The following FAM186A variants were observed in gnomAD, a reference collection of about 807,000 sequenced individuals.
The protein encoded by FAM186A is family with sequence similarity 186 member A, also known as protein FAM186A.
Under a neutral mutation model 216.8 loss-of-function variants are expected in FAM186A, and 163 were observed. The observed-to-expected ratio is 0.75, with a 90% CI of 0.66 to 0.86. The LOEUF is 0.86. FAM186A is among the 40% of genes least tolerant of loss of function. FAM186A has a pLI of 0.00. For missense variants in FAM186A, 2,184 were observed against 2,746.2 expected, an observed-to-expected ratio of 0.80 and a Z score of 4.58; for synonymous variants, 805 against 1,025.3, an observed-to-expected ratio of 0.79 and a Z score of 4.10.
chr12:50,380,436 G>C (rs2136104851), intron 1 of FAM186A, among the ~76,000 whole-genome samples: 1 of 149,868 alleles, frequency 6.7e-6, no homozygotes, highest in Admixed American at 6.7e-5. Flanking sequence ...TGCACTTTGG[G>C]AGACTGAGGC....
At chr12:50,332,200 T>A (rs764441246) in intron 5 of FAM186A, among the ~76,000 whole-genome samples, 1 of 152,248 alleles carries the variant, frequency 6.6e-6, no homozygotes, top group African/African-American at 2.4e-5. Flanking sequence ...GCAACTGTAA[T>A]GATAGCCAGC....
chr12:50,368,697 AT>A (rs1440954405), intron 1 of FAM186A, among the ~76,000 whole-genome samples: 4 of 151,960 alleles, frequency 2.6e-5, no homozygotes, highest in Non-Finnish European at 5.9e-5. Flanking sequence ...ATCTCAAGGG[AT>A]CCTGAATGGC....
intron 3 of FAM186A, among the ~76,000 whole-genome samples, chr12:50,358,808 A>G (rs914093759): frequency 6.6e-6 from 1 of 151,636 alleles, no homozygotes; most frequent in Admixed American, 6.6e-5. Flanking sequence ...CTGTAATCCC[A>G]GCTACTCGGG....
At position 50,354,649 on chromosome 12, in the gene FAM186A, G is replaced by A; in HGVS notation, c.2183C>T (p.Thr728Ile). The A allele has an allele frequency of 6.5e-7, 1 of 1,547,868 alleles. No homozygotes were observed. Among genetic ancestry groups the A allele is most frequent in the Non-Finnish European group, 8.7e-7 (1 of 1,146,236 alleles). The change falls in exon 4 of 8, where the codon ACT becomes ATT. Residue 728 changes from threonine to isoleucine, a missense_variant. Transcript: ENST00000327337. The stretch of plus-strand genomic sequence containing the variant: ...GTATTTTCTCAAGATTTTAGTCACA[G>A]TTTCAGCCACTTTTTGGAAATATTC... Reference protein sequence around the residue: ...MEEYFQKVAETVTKILRKYKD... With the variant: ...MEEYFQKVAEIVTKILRKYKD...
At chr12:50,394,922 G>T (rs1350426109) in intron 1 of FAM186A, among the ~76,000 whole-genome samples, 1 of 151,322 alleles carries the variant, frequency 6.6e-6, no homozygotes, top group African/African-American at 2.4e-5. Context: ...TAGAGACAGG[G>T]TCTTGCTTTG....
chr12:50,359,062 T>A (rs569087489), intron 3 of FAM186A, among the ~76,000 whole-genome samples: 46 of 151,434 alleles, frequency 3.0e-4, no homozygotes, highest in Non-Finnish European at 5.9e-4. Flanking sequence ...AAATGCAAAC[T>A]AAAACCACAA....
intron 1 of FAM186A, among the ~76,000 whole-genome samples, chr12:50,365,297 T>C (rs925006956): frequency 6.6e-6 from 1 of 152,158 alleles, no homozygotes; most frequent in Middle Eastern, 3.2e-3. Flanking sequence ...ATTTTATGTA[T>C]CAATGCAAGC....
intron 1 of FAM186A, among the ~76,000 whole-genome samples, chr12:50,382,217 G>A (rs1943259425): frequency 7.0e-6 from 1 of 142,268 alleles, no homozygotes. Flanking sequence ...CTGCACTCCA[G>A]CCTGGGTGAC....
chr12:50,365,236 A>G (rs1177528055), intron 1 of FAM186A, among the ~76,000 whole-genome samples: 4 of 152,134 alleles, frequency 2.6e-5, no homozygotes, highest in Admixed American at 6.6e-5. Flanking sequence ...TGCCAGTACA[A>G]TAAAACTGAA....
At chr12:50,360,192 T>TGA (rs1943018177) in intron 3 of FAM186A, among the ~76,000 whole-genome samples, 1 of 148,628 alleles carries the variant, frequency 6.7e-6, no homozygotes, top group Admixed American at 6.8e-5. Flanking sequence ...TGCAGTGAAC[T>TGA]GAGATCTGGC....
chr12:50,372,312 C>A (rs920383216), intron 1 of FAM186A, among the ~76,000 whole-genome samples: 2 of 151,820 alleles, frequency 1.3e-5, no homozygotes, highest in East Asian at 3.9e-4. Context: ...GAAATAAATA[C>A]GCCAGGTGCA....
Position 50,355,239 on chromosome 12 carries a change from CTTTG to C in FAM186A, c.1589_1592del (p.Thr530ArgfsTer11). ...TTGTTCCACTTTTGCCACCTTGGCT[CTTTG>C]TTTCAGTTAAAGAGAGATGTTTTCT... On this transcript the variant is annotated frameshift_variant, in exon 4 of 8. Coordinates refer to ENST00000327337, the MANE Select transcript of FAM186A (RefSeq NM_001145475.3). LOFTEE classifies it high-confidence loss of function. 1 of 1,551,654 alleles carries C rather than the reference CTTTG, an allele frequency of 6.4e-7. No homozygotes were observed. The highest frequency in any genetic ancestry group is 8.7e-7 in the Non-Finnish European group (1 of 1,146,986).
At chr12:50,340,163 T>C (rs1178933309) in intron 4 of FAM186A, among the ~76,000 whole-genome samples, 3 of 152,122 alleles carry the variant, frequency 2.0e-5, no homozygotes, top group African/African-American at 7.2e-5. Flanking sequence ...TACTGGTTCT[T>C]TGAGGCACAG....
At chr12:50,386,206 A>G (rs1943301883) in intron 1 of FAM186A, among the ~76,000 whole-genome samples, 1 of 152,116 alleles carries the variant, frequency 6.6e-6, no homozygotes, top group Non-Finnish European at 1.5e-5. Flanking sequence ...AGGTGGGTGG[A>G]TCACCTGAGG....
chr12:50,331,533 C>T (rs975365446), intron 6 of FAM186A, 137 bp downstream of exon 6: 17 of 800,980 alleles, frequency 2.1e-5, no homozygotes, highest in African/African-American at 7.3e-5. Context: ...TGAGCCACCG[C>T]GCCCAGCCTA....
Position 50,351,766 on chromosome 12 carries a change from A to C in FAM186A, c.5066T>G (p.Val1689Gly). ...ATGGGCTTTATCTAAGGTGAGAGGA[A>C]CCCCTAACTTCAATAACTGTTCTTG... is the stretch of plus-strand genomic sequence containing the variant. Reference protein sequence around the residue: ...QAQEQLLKLGVPLTLDKAHTL... With the variant: ...QAQEQLLKLGGPLTLDKAHTL... Residue 1689 changes from valine to glycine, a missense_variant, in exon 4 of 8, where the codon GTT becomes GGT. Val to Gly is a moderately radical substitution (Grantham distance 109). Transcript: ENST00000327337. The C allele has an allele frequency of 1.3e-6, 2 of 1,550,972 alleles. No individual in the cohort carries two copies. Among genetic ancestry groups the C allele is most frequent in the Non-Finnish European group, 1.7e-6 (2 of 1,146,658 alleles).
chr12:50,377,506 C>A (rs557728469), intron 1 of FAM186A, among the ~76,000 whole-genome samples: 2 of 152,126 alleles, frequency 1.3e-5, no homozygotes, highest in African/African-American at 2.4e-5. Context: ...GCAATGATTT[C>A]TTTGATATGA....
intron 2 of FAM186A, among the ~76,000 whole-genome samples, chr12:50,362,457 AAGGT>A (rs1289752797): frequency 1.3e-5 from 2 of 152,006 alleles, no homozygotes; most frequent in Non-Finnish European, 2.9e-5. Context: ...AAAATAAAGA[AAGGT>A]AGGCCAGGCG....
intron 3 of FAM186A, among the ~76,000 whole-genome samples, chr12:50,359,068 C>T (rs1264296703): frequency 1.3e-5 from 2 of 151,592 alleles, no homozygotes; most frequent in Admixed American, 6.6e-5. Flanking sequence ...AAACTAAAAC[C>T]ACAATGAGAT....
Sources: allele counts gnomAD v4.1 joint callset (sites outside exome capture counted in the v4.1 genomes callset), GRCh38; gene constraint gnomAD v4.1.1; transcripts MANE v1.5; gene names NCBI Gene and HGNC (gene_info 2026-07-23, HGNC 2026-07-21).